The following ANK3 variants were observed in gnomAD, a reference collection of about 807,000 sequenced individuals.
ANK3 encodes ankyrin 3.
In ANK3, 57 loss-of-function variants were observed where a neutral mutation model predicts 370.9. The observed-to-expected ratio is 0.15, with a 90% CI of 0.12 to 0.19. The LOEUF is 0.19. Among genes scored for constraint, ANK3 ranks in the 10% least tolerant of loss-of-function variants. The probability of loss-of-function intolerance (pLI) is 1.00; values close to 1 mark genes in which losing one functional copy is unlikely to be tolerated. For synonymous variants in ANK3, 1,929 were observed against 1,946.3 expected (o/e 0.99, Z 0.23); for missense variants, 4,439 against 5,302.1 (o/e 0.84, Z 5.06).
chr10:60,261,388 A>G (rs72820489), intron 7 of ANK3, among the ~76,000 whole-genome samples: 2,941 of 152,286 alleles, frequency 0.019, 37 homozygotes, highest in South Asian at 0.035. Context: ...CTCATTATGA[A>G]AGTTTGTAGG....
At position 60,063,265 on chromosome 10, in the gene ANK3, G is replaced by GA. The variant is rs747430068; in HGVS notation, c.12452-12dup. On this transcript the variant is annotated splice_polypyrimidine_tract_variant and intron_variant, in intron 39 of 43. Coordinates refer to ENST00000280772, the MANE Select transcript of ANK3 (RefSeq NM_020987.5). ...AAGTTAAGGCATCAGCTGAAAAGGAGAAAAAAAGGTTGAAAACCCAATTAA... is the reference window on the plus strand; with the variant it reads ...AAGTTAAGGCATCAGCTGAAAAGGAGAAAAAAAAGGTTGAAAACCCAATTAA... 5 of 1,594,498 alleles carry GA rather than the reference G, an allele frequency of 3.1e-6. No individual in the cohort carries two copies. Among genetic ancestry groups the GA allele is most frequent in the East Asian group, 4.5e-5 (2 of 44,496 alleles).
chr10:60,257,609 T>A (rs1308807050), intron 7 of ANK3, among the ~76,000 whole-genome samples: 2 of 152,352 alleles, frequency 1.3e-5, no homozygotes, highest in East Asian at 3.9e-4. Context: ...TTGTCAAAAG[T>A]GGAAACTCTA....
At chr10:60,102,310 T>C (rs1424415013) in intron 28 of ANK3, among the ~76,000 whole-genome samples, 1 of 151,968 alleles carries the variant, frequency 6.6e-6, no homozygotes, top group Non-Finnish European at 1.5e-5. Flanking sequence ...TACACGGCAG[T>C]TGTGACTATG....
At chr10:60,125,932 C>T (rs1361916853) in intron 25 of ANK3, among the ~76,000 whole-genome samples, 1 of 152,108 alleles carries the variant, frequency 6.6e-6, no homozygotes, top group African/African-American at 2.4e-5. Flanking sequence ...TCATCCTTAG[C>T]CTCAAAAAAG....
At chr10:60,256,238 T>C (rs929112455) in intron 7 of ANK3, among the ~76,000 whole-genome samples, 7 of 152,262 alleles carry the variant, frequency 4.6e-5, no homozygotes, top group African/African-American at 1.7e-4. Flanking sequence ...CCTGAACAAA[T>C]TGGTAGTGTA....
intron 1 of ANK3, among the ~76,000 whole-genome samples, chr10:60,342,706 A>T (rs2054535743): frequency 6.6e-6 from 1 of 152,200 alleles, no homozygotes; most frequent in South Asian, 2.1e-4. Context: ...GTTAGGTAAT[A>T]GGCTGGATGT....
chr10:60,219,761 G>T (rs538018957), intron 8 of ANK3, among the ~76,000 whole-genome samples: 1 of 152,038 alleles, frequency 6.6e-6, no homozygotes, highest in South Asian at 2.1e-4. Flanking sequence ...GATTCAATAC[G>T]TTCATGTAAC....
In ANK3 at chr10:60,076,002, C is replaced by T. The variant is rs2083709171; in HGVS notation, c.4879G>A (p.Val1627Met). ...TCCAAAAGAGACCCTGCTGTAGTCA[C>T]TGGAGAGGTTCGAGAGGAAAACGTA... ...NSTFSSRTSP[V>M]TTAGSLLERS... Residue 1627 changes from valine to methionine, a missense_variant, in exon 37 of 44, where the codon GTG becomes ATG. Val to Met is a conservative substitution (Grantham distance 21). Around this residue, in one of 13 missense-constraint regions of ANK3, gnomAD observed 679 missense variants for 791.0 expected, o/e 0.86. Transcript: ENST00000280772. The T allele has an allele frequency of 6.2e-7, 1 of 1,614,058 alleles. No individual in the cohort carries two copies.
chr10:60,258,599 G>A (rs76415725), intron 7 of ANK3, among the ~76,000 whole-genome samples: 5,359 of 152,152 alleles, frequency 0.035, 305 homozygotes, highest in African/African-American at 0.12. Context: ...CAGTCACATC[G>A]CCTTTGTTTC....
intron 2 of ANK3, among the ~76,000 whole-genome samples, chr10:60,544,620 A>C (rs1424941648): frequency 6.6e-6 from 1 of 152,122 alleles, no homozygotes; most frequent in Non-Finnish European, 1.5e-5. Flanking sequence ...ATTATTAGAC[A>C]GCTCACTCTA....
chr10:60,313,786 GT>G (rs2046842033), intron 1 of ANK3, among the ~76,000 whole-genome samples: 1 of 152,116 alleles, frequency 6.6e-6, no homozygotes, highest in Non-Finnish European at 1.5e-5. Context: ...ATTGAACAAA[GT>G]TTATAAATCA....
intron 2 of ANK3, among the ~76,000 whole-genome samples, chr10:60,462,776 G>A (rs1263955409): frequency 1.3e-5 from 2 of 151,836 alleles, no homozygotes; most frequent in Non-Finnish European, 2.9e-5. Flanking sequence ...CTGGAGTGAT[G>A]CCCAGGCATT....
Position 60,074,261 on chromosome 10 carries a change from G to C in ANK3, c.6620C>G (p.Pro2207Arg), listed in dbSNP as rs1034356460. The C allele has an allele frequency of 1.3e-5, 21 of 1,613,940 alleles. No individual in the cohort carries two copies. The highest frequency in any genetic ancestry group is 1.8e-5 in the Non-Finnish European group (21 of 1,180,004). Residue 2207 changes from proline (P) to arginine (R), a missense_variant, in exon 37 of 44, where the codon CCC becomes CGC. Pro to Arg is a moderately radical substitution (Grantham distance 103, BLOSUM62 -2). Transcript: ENST00000280772. ...CTTTTCTTTAATACTAGAGGTGGTG[G>C]GCTTTGGTTCCAATTCCATAAAAGT... ...SPTFMELEPK[P>R]TTSSIKEKVK...
chr10:60,423,446 G>T (rs1478255166), intron 2 of ANK3, among the ~76,000 whole-genome samples: 1 of 150,066 alleles, frequency 6.7e-6, no homozygotes, highest in Non-Finnish European at 1.5e-5. Context: ...AGCACACTCT[G>T]CTATTTTTAT....
At chr10:60,555,347 C>T (rs1220490543) in intron 2 of ANK3, among the ~76,000 whole-genome samples, 1 of 151,806 alleles carries the variant, frequency 6.6e-6, no homozygotes, top group Non-Finnish European at 1.5e-5. Flanking sequence ...GTGGTGTGTA[C>T]CTTTAGTCTC....
At chr10:60,231,062 A>G (rs541959709) in intron 8 of ANK3, among the ~76,000 whole-genome samples, 1 of 152,240 alleles carries the variant, frequency 6.6e-6, no homozygotes, top group South Asian at 2.1e-4. Flanking sequence ...TTCAGGAACA[A>G]CTTTCTATCT....
intron 1 of ANK3, among the ~76,000 whole-genome samples, chr10:60,688,313 G>A (rs143014715): frequency 0.042 from 6,421 of 152,078 alleles, 178 homozygotes; most frequent in Middle Eastern, 0.071. Flanking sequence ...TGATCCACCC[G>A]CCTCAGCCTC....
rs150182370 is a variant in ANK3 at position 60,670,607 on chromosome 10, A to G, written c.58-55383T>C. Among the ~76,000 whole-genome samples the G allele has an allele frequency of 5.6e-4, 85 of 152,190 alleles. No homozygotes were observed. The East Asian group carries it at 0.016, about 28-fold the overall frequency. ...AAGAGCCGGAATATCCCTTTTATAA[A>G]GCACCATGTCACTCCCTGGCTTTAA... On this transcript the variant is annotated intron_variant, in intron 1 of 43. Coordinates refer to the ANK3 transcript ENST00000373827.
chr10:60,692,638 C>T (rs902187690), intron 1 of ANK3, among the ~76,000 whole-genome samples: 1 of 152,122 alleles, frequency 6.6e-6, no homozygotes, highest in East Asian at 1.9e-4. Context: ...ACCACTGGGA[C>T]TCCAAATAAA....
Sources: allele counts gnomAD v4.1 joint callset (sites outside exome capture counted in the v4.1 genomes callset), GRCh38; gene constraint gnomAD v4.1.1; regional missense constraint gnomAD v4.1.1; transcripts MANE v1.5; gene names NCBI Gene and HGNC (gene_info 2026-07-23, HGNC 2026-07-21).